GRIN2B: variants seen among roughly 807,000 people sequenced by gnomAD.
GRIN2B encodes the protein glutamate receptor ionotropic, NMDA 2B.
In GRIN2B, 5 loss-of-function variants were observed where a neutral mutation model predicts 114.5. That is an observed-to-expected ratio of 0.04 (90% CI 0.02 to 0.09). The LOEUF is 0.09. Ranked by LOEUF, GRIN2B falls within the 10% of genes least tolerant of loss-of-function variation. GRIN2B has a pLI of 1.00. For synonymous variants in GRIN2B, 787 were observed against 745.1 expected (o/e 1.06, Z -0.92); for missense variants, 1,108 against 1,943.5 (o/e 0.57, Z 8.08).
At chr12:13,722,741 C>T (rs1419786389) in intron 4 of GRIN2B, among the ~76,000 whole-genome samples, 2 of 152,044 alleles carry the variant, frequency 1.3e-5, no homozygotes, top group East Asian at 1.9e-4. Context: ...ACTCGAGTGA[C>T]GATTTGAGAT....
At chr12:13,803,973 T>C (rs749030347) in intron 3 of GRIN2B, among the ~76,000 whole-genome samples, 10 of 152,194 alleles carry the variant, frequency 6.6e-5, no homozygotes, top group Admixed American at 6.5e-4. Flanking sequence ...AATGATATTG[T>C]TCTCAATATG....
Position 13,752,445 on chromosome 12 carries a change from A to G in GRIN2B, c.1010+872T>C, listed in dbSNP as rs117828684. ...TTCACGAATTATTTCTACAATGATT[A>G]TCTCCAATTAGTTGGATTTAAGATC... is the stretch of plus-strand genomic sequence containing the variant. On this transcript the variant is annotated intron_variant, in intron 4 of 13. Transcript: ENST00000609686. 6.5e-3 allele frequency among the ~76,000 whole-genome samples: 987 copies of G among 152,368 alleles called. 6 individuals are homozygous for G. The highest frequency in any genetic ancestry group is 0.011 in the Non-Finnish European group (744 of 68,032).
chr12:13,808,770 T>TATAC (rs1491493981), intron 3 of GRIN2B, among the ~76,000 whole-genome samples: 20 of 141,398 alleles, frequency 1.4e-4, no homozygotes, highest in Admixed American at 4.9e-4. Context: ...TATATATATA[T>TATAC]ACATATAAAA....
chr12:13,666,388 A>G (rs769533215), intron 5 of GRIN2B, among the ~76,000 whole-genome samples: 3 of 152,162 alleles, frequency 2.0e-5, no homozygotes, highest in Non-Finnish European at 4.4e-5. Flanking sequence ...AGGAAAGTAG[A>G]AAAGCTCCTA....
At chr12:13,952,104 T>C (rs1265336192) in intron 2 of GRIN2B, among the ~76,000 whole-genome samples, 2 of 152,066 alleles carry the variant, frequency 1.3e-5, no homozygotes, top group African/African-American at 4.8e-5. Context: ...AGTCAACGTG[T>C]ATATGGTGAT....
chr12:13,666,748 G>A (rs752804822), intron 5 of GRIN2B, among the ~76,000 whole-genome samples: 3 of 152,022 alleles, frequency 2.0e-5, no homozygotes, highest in Non-Finnish European at 4.4e-5. Flanking sequence ...GCCTGTGCAT[G>A]GCTGGTACAA....
At position 13,564,459 on chromosome 12, in the gene GRIN2B, G is replaced by A. The variant is rs764278787; in HGVS notation, c.2779C>T (p.Arg927Trp). The change falls in exon 14 of 14, where the codon CGG (arginine) becomes TGG (tryptophan). Residue 927 changes from arginine (R) to tryptophan (W), a missense_variant. This residue lies in a region of GRIN2B where 140 missense variants were observed against 187.5 expected (regional missense o/e 0.75). Coordinates refer to ENST00000609686, the MANE Select transcript of GRIN2B (RefSeq NM_000834.5). This position sits in a 1 kb window ranked among gnomAD's most constrained non-coding sequence, Gnocchi z 4.8. ...SPQSALDFIR[R>W]ESSVYDISEH... ...GAGATGTCATAGACGGATGACTCCC[G>A]TCGGATGAAGTCCAGGGCGCTCTGC... 3.1e-6 allele frequency: 5 copies of A among 1,614,096 alleles called. No individual in the cohort carries two copies. Among genetic ancestry groups the A allele is most frequent in the East Asian group, 2.2e-5 (1 of 44,890 alleles).
intron 2 of GRIN2B, among the ~76,000 whole-genome samples, chr12:13,886,087 C>T (rs1413540732): frequency 6.6e-6 from 1 of 152,178 alleles, no homozygotes; most frequent in Admixed American, 6.5e-5. Flanking sequence ...GCACCAAGTA[C>T]ACACAAGTCT....
At chr12:13,823,434 G>C (rs1864974441) in intron 3 of GRIN2B, among the ~76,000 whole-genome samples, 1 of 151,888 alleles carries the variant, frequency 6.6e-6, no homozygotes, top group South Asian at 2.1e-4. Context: ...ACTATAAATA[G>C]TATTTTATTT....
chr12:13,945,628 G>C (rs896767361), intron 2 of GRIN2B, among the ~76,000 whole-genome samples: 1 of 152,168 alleles, frequency 6.6e-6, no homozygotes, highest in African/African-American at 2.4e-5. Context: ...GTACCTACCT[G>C]TGTGTACAAA....
intron 3 of GRIN2B, among the ~76,000 whole-genome samples, chr12:13,828,096 A>T (rs1295866383): frequency 6.6e-6 from 1 of 152,192 alleles, no homozygotes; most frequent in Admixed American, 6.5e-5. Flanking sequence ...GTATGTGTGT[A>T]TGTGCATGTG....
At chr12:13,840,237 G>T (rs2300277) in intron 3 of GRIN2B, among the ~76,000 whole-genome samples, 1 of 152,242 alleles carries the variant, frequency 6.6e-6, no homozygotes, top group African/African-American at 2.4e-5. Context: ...TTGTTCATTC[G>T]GTAGGGATCC....
chr12:13,910,226 T>C (rs1565583532), intron 2 of GRIN2B, among the ~76,000 whole-genome samples: 2 of 152,176 alleles, frequency 1.3e-5, no homozygotes, highest in East Asian at 1.9e-4. Flanking sequence ...TGGATGAATA[T>C]GTTGTGTGCG....
chr12:13,572,488 A>C (rs1159545384), intron 10 of GRIN2B, among the ~76,000 whole-genome samples: 1 of 152,160 alleles, frequency 6.6e-6, no homozygotes, highest in African/African-American at 2.4e-5. Flanking sequence ...TTTTCTTTTG[A>C]CCTTCCCTGA....
chr12:13,650,135 C>T (rs747328104), intron 5 of GRIN2B, among the ~76,000 whole-genome samples: 2 of 151,968 alleles, frequency 1.3e-5, no homozygotes, highest in Non-Finnish European at 1.5e-5. Flanking sequence ...GCAGTCAAGG[C>T]CCTCCAGAGT....
intron 3 of GRIN2B, among the ~76,000 whole-genome samples, chr12:13,864,109 G>A (rs922061444): frequency 6.6e-6 from 1 of 152,112 alleles, no homozygotes; most frequent in African/African-American, 2.4e-5. Context: ...GGCTATTTGT[G>A]CTAGTGCCTA....
intron 2 of GRIN2B, among the ~76,000 whole-genome samples, chr12:13,898,188 G>T (rs1866384208): frequency 6.6e-6 from 1 of 152,006 alleles, no homozygotes; most frequent in Admixed American, 6.6e-5. Flanking sequence ...GGCTGCAAAT[G>T]GGAACTATTA....
chr12:13,641,072 CTTATTATTA>C (rs139395602), intron 5 of GRIN2B, among the ~76,000 whole-genome samples: 6 of 149,396 alleles, frequency 4.0e-5, no homozygotes, highest in Non-Finnish European at 7.4e-5. Context: ...TTGTATCATG[CTTATTATTA>C]TTATTATTAT....
chr12:13,880,200 G>T (rs997007940), intron 2 of GRIN2B, among the ~76,000 whole-genome samples: 2 of 152,176 alleles, frequency 1.3e-5, no homozygotes, highest in African/African-American at 2.4e-5. Flanking sequence ...CAGCTTTTGA[G>T]CTGGACTAAA....
Sources: gnomAD v4.1 joint callset for allele counts (sites outside exome capture counted in the v4.1 genomes callset) on GRCh38, gnomAD v4.1.1 for gene constraint, gnomAD v4.1.1 regional missense constraint, Gnocchi (gnomAD v3.1) non-coding constraint, MANE v1.5 for transcripts, NCBI Gene and HGNC (gene_info 2026-07-23, HGNC 2026-07-21) for gene names.